Variants in GNAS observed in about 807,000 individuals in gnomAD.
GNAS encodes protein ALEX.
Under a neutral mutation model 54.5 loss-of-function variants are expected in GNAS, and 8 were observed. The ratio of observed to expected loss-of-function variants is 0.15; its 90% CI spans 0.09 to 0.26. The LOEUF is 0.26. Ranked by LOEUF, GNAS falls within the 10% of genes least tolerant of loss-of-function variation. GNAS has a pLI of 1.00. For synonymous variants in GNAS, 204 were observed against 191.4 expected (o/e 1.07, Z -0.54); for missense variants, 170 against 529.8 (o/e 0.32, Z 6.67).
intron 3 of GNAS, 102 bp downstream of exon 3, chr20:58,899,087 A>G (rs905058924): frequency 7.7e-6 from 7 of 911,416 alleles, no homozygotes; most frequent in Middle Eastern, 2.1e-4. Flanking sequence ...AATAAAAATC[A>G]TTTAAAGGAC....
At position 58,853,533 on chromosome 20, in the gene GNAS, G is replaced by A; in HGVS notation, c.43+12647G>A. ...CAACCCGGCATTCAGGGAAGCTGGA[G>A]CCCATGGAAGCTACAGCCCACCTCC... On this transcript the variant is annotated intron_variant, in intron 1 of 12. Coordinates refer to the GNAS transcript ENST00000306090. This position sits in a 1 kb window ranked among gnomAD's most constrained non-coding sequence, Gnocchi z 4.4. The A allele has an allele frequency of 6.2e-7, 1 of 1,613,282 alleles. No individual in the cohort carries two copies. The highest frequency in any genetic ancestry group is 8.5e-7 in the Non-Finnish European group (1 of 1,179,876).
At chr20:58,865,651 A>T (rs962882007) in intron 1 of GNAS, among the ~76,000 whole-genome samples, 6 of 150,492 alleles carry the variant, frequency 4.0e-5, no homozygotes, top group African/African-American at 1.2e-4. Context: ...ATCTCAGATG[A>T]CTGCAACCTC....
At chr20:58,851,816 G>C (rs965221301) in intron 1 of GNAS, among the ~76,000 whole-genome samples, 1 of 152,222 alleles carries the variant, frequency 6.6e-6, no homozygotes, top group Non-Finnish European at 1.5e-5. Flanking sequence ...GAGGAGAGGG[G>C]CTAGAAGGGT....
chr20:58,847,449 A>G (rs1007285303), intron 1 of GNAS, among the ~76,000 whole-genome samples: 5 of 152,262 alleles, frequency 3.3e-5, no homozygotes. Flanking sequence ...TCTTGATTGA[A>G]AAGTAATTAA....
intron 1 of GNAS, among the ~76,000 whole-genome samples, chr20:58,843,844 T>C (rs2085838696): frequency 6.6e-6 from 1 of 152,248 alleles, no homozygotes; most frequent in African/African-American, 2.4e-5. Context: ...GTTCCAATAT[T>C]GTGTGGGGTC....
At chr20:58,888,589 C>T (rs976547698), upstream of GNAS, 2 of 152,322 alleles carry the variant, frequency 1.3e-5, no homozygotes, top group African/African-American at 4.8e-5. Context: ...CCTCTCCCAC[C>T]TGGGAGGACG....
intron 3 of GNAS, among the ~76,000 whole-genome samples, chr20:58,902,724 A>ATTTTTT (rs1569012979): frequency 1.6e-5 from 1 of 62,178 alleles, no homozygotes; most frequent in East Asian, 8.3e-4. Flanking sequence ...CGCACATACG[A>ATTTTTT]CTTTTTTTTT....
upstream of GNAS, chr20:58,840,686 C>T: frequency 6.2e-7 from 1 of 1,604,484 alleles, no homozygotes; most frequent in Non-Finnish European, 8.5e-7. This position sits in a 1 kb window ranked among gnomAD's most constrained non-coding sequence, Gnocchi z 6.0. Context: ...AGGGGAGGAG[C>T]TCAAGCCCGA....
At chr20:58,876,144 A>T (rs201991094) in intron 1 of GNAS, among the ~76,000 whole-genome samples, 1 of 152,172 alleles carries the variant, frequency 6.6e-6, no homozygotes, top group African/African-American at 2.4e-5. Context: ...GATATTAGCA[A>T]TACTCTTATA....
chr20:58,840,685 G>T (rs773930351), upstream of GNAS: 1 of 1,604,330 alleles, frequency 6.2e-7, no homozygotes, highest in Non-Finnish European at 8.5e-7. The surrounding 1 kb of genome is among the most constrained non-coding windows in gnomAD (Gnocchi z 6.0). Context: ...AAGGGGAGGA[G>T]CTCAAGCCCG....
At chr20:58,897,760 GGTATTCC>G (rs1169391567) in intron 2 of GNAS, 1 of 152,084 alleles carries the variant, frequency 6.6e-6, no homozygotes, top group East Asian at 1.9e-4. Flanking sequence ...GGTTTACAGG[GGTATTCC>G]TCATGGGAGC....
chr20:58,874,599 G>A (rs925689547), intron 1 of GNAS, among the ~76,000 whole-genome samples: 5 of 151,868 alleles, frequency 3.3e-5, no homozygotes, highest in African/African-American at 1.2e-4. Context: ...TTACATCTTA[G>A]CTCCTGGCCT....
chr20:58,866,569 G>A (rs562812078), intron 1 of GNAS, among the ~76,000 whole-genome samples: 1 of 152,320 alleles, frequency 6.6e-6, no homozygotes, highest in African/African-American at 2.4e-5. Flanking sequence ...CCTCTCTCAA[G>A]TAACCATTAT....
rs1196758936 is a variant in GNAS at position 58,891,528 on chromosome 20, C to T, written c.-199C>T. Reference sequence around the variant, plus strand: ...GAGCTGCGCGCGCCCCTCGGTCCGACCGACACCCTCCCCTTCCCGCCCGTC... The same window carrying T: ...GAGCTGCGCGCGCCCCTCGGTCCGATCGACACCCTCCCCTTCCCGCCCGTC... On this transcript the variant is annotated 5_prime_UTR_variant, in exon 1 of 13. Coordinates refer to ENST00000371085, the MANE Select transcript of GNAS (RefSeq NM_000516.7). The T allele has an allele frequency of 3.1e-6, 3 of 976,308 alleles. No individual in the cohort carries two copies. Among genetic ancestry groups the T allele is most frequent in the South Asian group, 4.6e-5 (1 of 21,722 alleles). 60.5% of individuals were successfully genotyped at this position (976,308 alleles called of 1,614,324 possible). A position where few individuals can be genotyped will look rare whatever the true frequency, so the allele number is the denominator to read the frequency against.
chr20:58,879,758 AC>A (rs2088099432), intron 1 of GNAS, among the ~76,000 whole-genome samples: 1 of 152,134 alleles, frequency 6.6e-6, no homozygotes, highest in Non-Finnish European at 1.5e-5. Flanking sequence ...TGGAGAGAGA[AC>A]CGTGTGGAAA....
At chr20:58,879,336 C>A (rs1039861215) in intron 1 of GNAS, among the ~76,000 whole-genome samples, 6 of 152,150 alleles carry the variant, frequency 3.9e-5, no homozygotes. Flanking sequence ...TGGTCAATAT[C>A]GAGTCATTTA....
At chr20:58,876,389 C>T (rs542350020) in intron 1 of GNAS, among the ~76,000 whole-genome samples, 2 of 151,832 alleles carry the variant, frequency 1.3e-5, no homozygotes, top group East Asian at 3.9e-4. Context: ...CTCAGAGGGG[C>T]GGGTTTTTAT....
intron 1 of GNAS, chr20:58,852,938 G>A (rs1044425488): frequency 5.4e-6 from 5 of 922,934 alleles, no homozygotes; most frequent in Non-Finnish European, 5.4e-6. Flanking sequence ...ATCCAAGCAG[G>A]CGGGACTGGC....
Position 58,910,136 on chromosome 20 carries a change from CGGT to C in GNAS, c.970+56_970+58del. ...TTCATTGCGGTGGTTCTTTTTCAAACGGTCAGGCTGAAAACCCCCATCCCCCTC... is the reference window on the plus strand; with the variant it reads ...TTCATTGCGGTGGTTCTTTTTCAAACCAGGCTGAAAACCCCCATCCCCCTC... On this transcript the variant is annotated intron_variant, in intron 11 of 12. Coordinates refer to ENST00000371085, the MANE Select transcript of GNAS (RefSeq NM_000516.7). This position sits in a 1 kb window ranked among gnomAD's most constrained non-coding sequence, Gnocchi z 5.8. The C allele has an allele frequency of 6.3e-7, 1 of 1,588,842 alleles. No individual in the cohort carries two copies. The highest frequency in any genetic ancestry group is 1.1e-5 in the South Asian group (1 of 90,468).
Sources: allele counts gnomAD v4.1 joint callset (sites outside exome capture counted in the v4.1 genomes callset), GRCh38; gene constraint gnomAD v4.1.1; non-coding constraint Gnocchi (gnomAD v3.1); transcripts MANE v1.5; gene names NCBI Gene and HGNC (gene_info 2026-07-23, HGNC 2026-07-21).